The following PEAK1 variants were observed in gnomAD, a reference collection of about 807,000 sequenced individuals.
PEAK1 encodes the protein inactive tyrosine-protein kinase PEAK1.
In PEAK1, 54 loss-of-function variants were observed where a neutral mutation model predicts 124.7. The ratio of observed to expected loss-of-function variants is 0.43; its 90% CI spans 0.35 to 0.54. PEAK1 has a LOEUF of 0.54. PEAK1 is among the 20% of genes least tolerant of loss of function. PEAK1 has a pLI of 0.01. For missense variants in PEAK1, 2,046 were observed against 2,134.5 expected (o/e 0.96, Z 0.82); for synonymous variants, 719 against 760.0 (o/e 0.95, Z 0.89).
chr15:77,362,820 G>GA (rs765659302), intron 2 of PEAK1, among the ~76,000 whole-genome samples: 87 of 149,822 alleles, frequency 5.8e-4, no homozygotes, highest in Non-Finnish European at 3.3e-4. Flanking sequence ...TATTGTGGAT[G>GA]AAAAAAAAGA....
intron 8 of PEAK1, among the ~76,000 whole-genome samples, chr15:77,146,730 C>T (rs541264693): frequency 1.5e-3 from 234 of 152,264 alleles, no homozygotes; most frequent in African/African-American, 5.5e-3. Context: ...CTGTGCAATT[C>T]TTTAGCCATT....
chr15:77,406,138 G>A (rs2071797176), intron 1 of PEAK1, among the ~76,000 whole-genome samples: 2 of 152,030 alleles, frequency 1.3e-5, no homozygotes, highest in South Asian at 2.1e-4. Flanking sequence ...ATCTGGAAAC[G>A]AACGAGCTCT....
At chr15:77,325,560 T>C (rs1015043925) in intron 2 of PEAK1, among the ~76,000 whole-genome samples, 1 of 152,136 alleles carries the variant, frequency 6.6e-6, no homozygotes, top group African/African-American at 2.4e-5. Context: ...ATGGGGCCAC[T>C]GAAAAGCCAG....
At chr15:77,312,292 T>C (rs934631908) in intron 2 of PEAK1, among the ~76,000 whole-genome samples, 29 of 152,240 alleles carry the variant, frequency 1.9e-4, no homozygotes, top group African/African-American at 6.5e-4. Flanking sequence ...ATTCCATTTT[T>C]AATTATAGTT....
At chr15:77,256,497 G>A (rs1268361919) in intron 5 of PEAK1, among the ~76,000 whole-genome samples, 1 of 151,846 alleles carries the variant, frequency 6.6e-6, no homozygotes, top group Non-Finnish European at 1.5e-5. Flanking sequence ...CATAAAGTAA[G>A]GGTTGTCAAG....
chr15:77,393,808 A>C (rs1249276387), intron 1 of PEAK1, among the ~76,000 whole-genome samples: 21 of 152,306 alleles, frequency 1.4e-4, no homozygotes, highest in Middle Eastern at 3.4e-3. Context: ...GGAATACAGC[A>C]CCAAGGGGGA....
intron 6 of PEAK1, among the ~76,000 whole-genome samples, chr15:77,228,049 A>G (rs147200174): frequency 2.6e-3 from 400 of 152,174 alleles, no homozygotes; most frequent in African/African-American, 9.3e-3. Context: ...TTATCTATTC[A>G]TAAATATTTG....
chr15:77,395,114 T>C (rs897591701), intron 1 of PEAK1, among the ~76,000 whole-genome samples: 5 of 152,174 alleles, frequency 3.3e-5, no homozygotes, highest in African/African-American at 1.2e-4. Context: ...ACTAACAGAC[T>C]AAAATAATTT....
chr15:77,305,918 G>A (rs1345588988), intron 2 of PEAK1, among the ~76,000 whole-genome samples: 1 of 151,856 alleles, frequency 6.6e-6, no homozygotes, highest in Non-Finnish European at 1.5e-5. Context: ...GTGGTTTGTT[G>A]AATCCACAGA....
At chr15:77,257,951 G>C (rs1277487352) in intron 5 of PEAK1, among the ~76,000 whole-genome samples, 1 of 152,178 alleles carries the variant, frequency 6.6e-6, no homozygotes, top group East Asian at 1.9e-4. Context: ...CATATAGCTA[G>C]CCAGTTTTCC....
chr15:77,252,860 G>C (rs1469380006), intron 5 of PEAK1, among the ~76,000 whole-genome samples: 1 of 151,982 alleles, frequency 6.6e-6, no homozygotes, highest in Non-Finnish European at 1.5e-5. Context: ...CATTAAACTC[G>C]AACTTTATAA....
chr15:77,157,319 G>A (rs1236998335), intron 8 of PEAK1: 7 of 152,256 alleles, frequency 4.6e-5, no homozygotes, highest in Admixed American at 4.6e-4. Context: ...AATCTTGCTT[G>A]TGCTCTGCAT....
intron 2 of PEAK1, among the ~76,000 whole-genome samples, chr15:77,311,700 A>AAG (rs1461680726): frequency 1.3e-4 from 20 of 151,320 alleles, no homozygotes; most frequent in Admixed American, 7.2e-4. Flanking sequence ...AAAAAAAAAA[A>AAG]AAAAAAGAAA....
intron 6 of PEAK1, among the ~76,000 whole-genome samples, chr15:77,214,672 T>A (rs1395830444): frequency 3.3e-5 from 5 of 151,714 alleles, no homozygotes; most frequent in African/African-American, 1.2e-4. Flanking sequence ...CTTATAGTTC[T>A]GCAGGCCGTA....
chr15:77,148,429 T>C (rs938665356), intron 8 of PEAK1, among the ~76,000 whole-genome samples: 1 of 152,194 alleles, frequency 6.6e-6, no homozygotes, highest in African/African-American at 2.4e-5. Context: ...ATTTGTCACC[T>C]CTCCTCTGTT....
At position 77,179,099 on chromosome 15, in the gene PEAK1, T is replaced by G; in HGVS notation, c.2828A>C (p.Lys943Thr). The change falls in exon 7 of 10, where the codon AAA (lysine) becomes ACA (threonine). Residue 943 changes from lysine to threonine, a missense_variant. Coordinates refer to ENST00000682557, the MANE Select transcript of PEAK1 (RefSeq NM_001385026.1). ...TTTCCCTTTCTCTCGCTCTTTCTCT[T>G]TGTCATCCTCCTCATCTGTTTTCCG... ...RRRKTDEEDD[K>T]EKEREKGKLV... The G allele has an allele frequency of 6.2e-7, 1 of 1,614,180 alleles. No homozygotes were observed. The highest frequency in any genetic ancestry group is 1.1e-5 in the South Asian group (1 of 91,086).
At chr15:77,414,115 A>C (rs1317828694) in intron 1 of PEAK1, among the ~76,000 whole-genome samples, 5 of 90,876 alleles carry the variant, frequency 5.5e-5, no homozygotes, top group Non-Finnish European at 1.5e-4. Context: ...AAGCCACCAC[A>C]CCCAGCCTGC....
intron 1 of PEAK1, among the ~76,000 whole-genome samples, chr15:77,390,645 G>A (rs968390504): frequency 6.6e-6 from 1 of 152,194 alleles, no homozygotes; most frequent in South Asian, 2.1e-4. Flanking sequence ...AATATTTACT[G>A]AACATTGGTA....
intron 6 of PEAK1, among the ~76,000 whole-genome samples, chr15:77,222,130 T>G (rs931050762): frequency 6.6e-6 from 1 of 152,082 alleles, no homozygotes; most frequent in East Asian, 1.9e-4. Flanking sequence ...GAAGAATGAT[T>G]TGACCCAAGT....
Sources: gnomAD v4.1 joint callset for allele counts (sites outside exome capture counted in the v4.1 genomes callset) on GRCh38, gnomAD v4.1.1 for gene constraint, MANE v1.5 for transcripts, NCBI Gene and HGNC (gene_info 2026-07-23, HGNC 2026-07-21) for gene names.